Variants in GSAP observed in about 807,000 individuals in gnomAD.
GSAP encodes the protein gamma-secretase-activating protein.
In GSAP, 118 loss-of-function variants were observed where a neutral mutation model predicts 131.7. The ratio of observed to expected loss-of-function variants is 0.90; its 90% CI spans 0.77 to 1.04. The LOEUF (loss-of-function observed/expected upper bound fraction) is 1.04. Among genes scored for constraint, GSAP ranks in the 50% least tolerant of loss-of-function variants. GSAP has a pLI of 0.00. For missense variants in GSAP, 1,019 were observed against 1,013.2 expected (o/e 1.01, Z -0.08); for synonymous variants, 381 against 363.4 (o/e 1.05, Z -0.55).
chr7:77,316,166 T>C (rs1794945284), intron 26 of GSAP: 1 of 152,224 alleles, frequency 6.6e-6, no homozygotes, highest in Non-Finnish European at 1.5e-5. Context: ...TGAAGACCTG[T>C]AGAGAAGCTA....
Position 77,314,668 on chromosome 7 carries a change from C to T in GSAP, c.2090-179G>A, listed in dbSNP as rs888621229. The T allele has an allele frequency of 8.9e-5, 52 of 584,180 alleles. 1 individual carries two copies. The highest frequency in any genetic ancestry group is 4.0e-4 in the South Asian group (20 of 50,050). The allele number at this position is 584,180 out of a possible 1,614,324, so 36.2% of individuals were successfully genotyped here. A position where few individuals can be genotyped will look rare whatever the true frequency, so the allele number is the denominator to read the frequency against. On this transcript the variant is annotated intron_variant, in intron 26 of 30. Coordinates refer to ENST00000257626, the MANE Select transcript of GSAP (RefSeq NM_017439.4). ...CTGTATTATTCGTAACTAAATATCA[C>T]GCTGGGTCTATAGTAAGTTTCCGGT...
chr7:77,318,172 T>TA, intron 26 of GSAP, among the ~76,000 whole-genome samples: 1 of 152,358 alleles, frequency 6.6e-6, no homozygotes, highest in East Asian at 1.9e-4. Context: ...CTCTGTCACT[T>TA]AATAGCTATG....
intron 3 of GSAP, among the ~76,000 whole-genome samples, chr7:77,398,067 T>C (rs1377831611): frequency 6.6e-6 from 1 of 152,144 alleles, no homozygotes; most frequent in African/African-American, 2.4e-5. Context: ...AAAATGCCCA[T>C]GCAGGAGGAT....
intron 8 of GSAP, 131 bp from the exon 9 acceptor site, chr7:77,377,521 G>T (rs1563069167): frequency 9.0e-7 from 1 of 1,115,580 alleles, no homozygotes; most frequent in East Asian, 2.8e-5. Context: ...TTCACTGTTA[G>T]AAGCTCCCCA....
intron 21 of GSAP, 34 bp from the exon 22 acceptor site, chr7:77,328,671 G>T: frequency 7.5e-7 from 1 of 1,331,388 alleles, no homozygotes; most frequent in Non-Finnish European, 1.1e-6. Flanking sequence ...TTCACAGACA[G>T]CATTGCTTTT....
chr7:77,371,888 A>G (rs996745257), intron 12 of GSAP, among the ~76,000 whole-genome samples: 1 of 152,234 alleles, frequency 6.6e-6, no homozygotes, highest in African/African-American at 2.4e-5. Flanking sequence ...CATGGTGACA[A>G]AGTACCATCC....
chr7:77,404,505 C>G, intron 3 of GSAP, 54 bp downstream of exon 3: 1 of 867,672 alleles, frequency 1.2e-6, no homozygotes, highest in Non-Finnish European at 1.9e-6. Flanking sequence ...AAGGAGGAGA[C>G]AAAGAAAACT....
At chr7:77,350,539 C>G (rs1007102968) in intron 18 of GSAP, among the ~76,000 whole-genome samples, 4 of 148,866 alleles carry the variant, frequency 2.7e-5, no homozygotes, top group African/African-American at 5.0e-5. Flanking sequence ...AGTTTGAGAC[C>G]GACCTGGCCA....
At chr7:77,403,799 T>C (rs1801783987) in intron 3 of GSAP, among the ~76,000 whole-genome samples, 1 of 152,214 alleles carries the variant, frequency 6.6e-6, no homozygotes, top group Admixed American at 6.5e-5. Flanking sequence ...TCACCTCACT[T>C]TGTGGTCCAA....
chr7:77,329,242 G>C (rs188960561), intron 21 of GSAP, 91 bp downstream of exon 21: 1 of 686,154 alleles, frequency 1.5e-6, no homozygotes, highest in Admixed American at 3.0e-5. Flanking sequence ...TGCAACAAAA[G>C]TAAACTACTT....
chr7:77,391,976 G>A (rs940202179), intron 5 of GSAP, among the ~76,000 whole-genome samples: 2 of 152,218 alleles, frequency 1.3e-5, no homozygotes, highest in African/African-American at 4.8e-5. Flanking sequence ...TGTAATCCCA[G>A]CACTTTGGGA....
At chr7:77,408,387 C>T (rs1802662271) in intron 1 of GSAP, among the ~76,000 whole-genome samples, 1 of 152,108 alleles carries the variant, frequency 6.6e-6, no homozygotes, top group Admixed American at 6.5e-5. Context: ...TGTGTACTTT[C>T]CCAATTTCCT....
chr7:77,407,868 TAAGTG>T (rs1337121167), intron 1 of GSAP, among the ~76,000 whole-genome samples: 1 of 152,194 alleles, frequency 6.6e-6, no homozygotes, highest in Non-Finnish European at 1.5e-5. Context: ...AACTATCCAT[TAAGTG>T]AAGAATGAAT....
At position 77,311,364 on chromosome 7, in the gene GSAP, G is replaced by T; in HGVS notation, c.2559C>A (p.Gly853=). The T allele has an allele frequency of 6.3e-7, 1 of 1,595,018 alleles. No individual in the cohort carries two copies. The highest frequency in any genetic ancestry group is 8.6e-7 in the Non-Finnish European group (1 of 1,162,822). Residue 853 remains glycine, a synonymous_variant, in exon 31 of 31, where the codon GGC becomes GGA. Transcript: ENST00000257626. ...AALKHTAMLL[G]L ...TCCAATTGCGTTTTCTTTTTCATAAGCCTAAAAGCATCGCGGTGTGTTTCA... is the reference window on the plus strand; with the variant it reads ...TCCAATTGCGTTTTCTTTTTCATAATCCTAAAAGCATCGCGGTGTGTTTCA...
chr7:77,411,650 T>C (rs773182645), intron 1 of GSAP, among the ~76,000 whole-genome samples: 3 of 152,224 alleles, frequency 2.0e-5, no homozygotes, highest in Non-Finnish European at 2.9e-5. Context: ...ATTTTGTTCA[T>C]AGTTGGAAAG....
At chr7:77,392,482 A>T (rs935075242) in intron 5 of GSAP, among the ~76,000 whole-genome samples, 3 of 151,836 alleles carry the variant, frequency 2.0e-5, no homozygotes, top group Admixed American at 2.0e-4. Flanking sequence ...CGGAAGTTGG[A>T]GGTTGCAGTG....
chr7:77,413,995 T>A (rs1803811991), intron 1 of GSAP, among the ~76,000 whole-genome samples: 1 of 152,172 alleles, frequency 6.6e-6, no homozygotes, highest in Non-Finnish European at 1.5e-5. Context: ...CAGGAGCAAA[T>A]GCAGTAACCA....
At chr7:77,383,940 G>C (rs1798158951) in intron 6 of GSAP, among the ~76,000 whole-genome samples, 1 of 152,180 alleles carries the variant, frequency 6.6e-6, no homozygotes, top group South Asian at 2.1e-4. Flanking sequence ...AACATTTATA[G>C]TTGAGTTCCC....
intron 10 of GSAP, among the ~76,000 whole-genome samples, chr7:77,375,995 T>C (rs1796795217): frequency 6.6e-6 from 1 of 152,194 alleles, no homozygotes; most frequent in Admixed American, 6.5e-5. Context: ...GAAGTTTTTT[T>C]CCACTGATAG....
Sources: allele counts gnomAD v4.1 joint callset (sites outside exome capture counted in the v4.1 genomes callset), GRCh38; gene constraint gnomAD v4.1.1; transcripts MANE v1.5; gene names NCBI Gene and HGNC (gene_info 2026-07-23, HGNC 2026-07-21).